Variants in PDE8A observed in about 807,000 individuals in gnomAD.
The protein encoded by PDE8A is phosphodiesterase 8A.
Under a neutral mutation model 105.0 loss-of-function variants are expected in PDE8A, and 59 were observed. That is an observed-to-expected ratio of 0.56 (90% CI 0.46 to 0.70). The LOEUF (loss-of-function observed/expected upper bound fraction) is 0.70. Ranked by LOEUF, PDE8A falls within the 30% of genes least tolerant of loss-of-function variation. PDE8A has a pLI of 0.00. For missense variants in PDE8A, 1,014 were observed against 1,045.9 expected (o/e 0.97, Z 0.42); for synonymous variants, 355 against 371.9 (o/e 0.95, Z 0.52).
At chr15:85,041,826 C>G (rs1295560439) in intron 1 of PDE8A, among the ~76,000 whole-genome samples, 2 of 152,214 alleles carry the variant, frequency 1.3e-5, no homozygotes, top group African/African-American at 4.8e-5. Flanking sequence ...CATCCCCATC[C>G]TAATGTCCCC....
At chr15:85,048,758 A>G (rs1191409560) in intron 1 of PDE8A, among the ~76,000 whole-genome samples, 1 of 152,238 alleles carries the variant, frequency 6.6e-6, no homozygotes, top group Non-Finnish European at 1.5e-5. Flanking sequence ...CCGTGAGAGT[A>G]TGATGATTAT....
intron 6 of PDE8A, among the ~76,000 whole-genome samples, chr15:85,084,832 A>G (rs1273718052): frequency 1.3e-5 from 2 of 152,164 alleles, no homozygotes; most frequent in African/African-American, 4.8e-5. Flanking sequence ...GCTGTCATCT[A>G]CCTTGTGGTC....
At chr15:85,085,156 T>A (rs2081531300) in intron 6 of PDE8A, among the ~76,000 whole-genome samples, 1 of 152,086 alleles carries the variant, frequency 6.6e-6, no homozygotes, top group African/African-American at 2.4e-5. Flanking sequence ...CCTACAAGGG[T>A]CTCCATGGTC....
chr15:85,071,586 C>T (rs1013812994), intron 3 of PDE8A, among the ~76,000 whole-genome samples: 1 of 152,206 alleles, frequency 6.6e-6, no homozygotes, highest in Non-Finnish European at 1.5e-5. Context: ...AGGCCAGGAG[C>T]CCCGCTCTGC....
intron 1 of PDE8A, among the ~76,000 whole-genome samples, chr15:85,001,895 T>TTA (rs2080073137): frequency 1.3e-5 from 2 of 152,222 alleles, no homozygotes; most frequent in South Asian, 4.1e-4. Flanking sequence ...TTCTAAGTAC[T>TTA]TTGTGCATGA....
At chr15:85,113,471 C>T (rs374007130) in intron 13 of PDE8A, 24 bp downstream of exon 13, 4 of 1,577,322 alleles carry the variant, frequency 2.5e-6, no homozygotes, top group Non-Finnish European at 3.5e-6. Context: ...TGGTCTGTCT[C>T]CATTGAGCAC....
intron 1 of PDE8A, among the ~76,000 whole-genome samples, chr15:84,998,511 C>G (rs373297205): frequency 1.3e-5 from 2 of 152,180 alleles, no homozygotes; most frequent in Non-Finnish European, 1.5e-5. Flanking sequence ...CAAAATGGCT[C>G]TGTTTTCATT....
At chr15:85,040,417 C>T (rs987976147) in intron 1 of PDE8A, among the ~76,000 whole-genome samples, 9 of 150,656 alleles carry the variant, frequency 6.0e-5, no homozygotes, top group African/African-American at 2.2e-4. Flanking sequence ...ACATTTTTGC[C>T]TTAAGTCTCC....
intron 8 of PDE8A, among the ~76,000 whole-genome samples, chr15:85,097,483 T>C (rs536618115): frequency 6.6e-6 from 1 of 152,114 alleles, no homozygotes; most frequent in Non-Finnish European, 1.5e-5. Flanking sequence ...GGGTGAAGCC[T>C]TCACACATCC....
chr15:85,003,452 C>T (rs115160200), intron 1 of PDE8A, among the ~76,000 whole-genome samples: 1,740 of 152,232 alleles, frequency 0.011, 41 homozygotes, highest in African/African-American at 0.038. Context: ...CTGCGATGGG[C>T]AACAACTTTC....
chr15:84,986,759 G>A (rs143206901), intron 1 of PDE8A, among the ~76,000 whole-genome samples: 1,527 of 151,788 alleles, frequency 0.01, 17 homozygotes, highest in Middle Eastern at 0.062. Context: ...CTACAGGTGC[G>A]CACCATGCAT....
intron 8 of PDE8A, among the ~76,000 whole-genome samples, chr15:85,092,053 C>G (rs1009112639): frequency 9.9e-5 from 15 of 151,998 alleles, no homozygotes; most frequent in Non-Finnish European, 2.9e-5. Context: ...TTGGCTAGTT[C>G]CTATCTTGTA....
At chr15:85,009,223 G>C (rs190108624) in intron 1 of PDE8A, among the ~76,000 whole-genome samples, 1 of 151,774 alleles carries the variant, frequency 6.6e-6, no homozygotes, top group East Asian at 1.9e-4. Context: ...CTAGGCAAAG[G>C]CAGTCTAAAA....
intron 19 of PDE8A, among the ~76,000 whole-genome samples, chr15:85,125,812 A>C (rs1440236450): frequency 6.6e-6 from 1 of 151,946 alleles, no homozygotes; most frequent in Non-Finnish European, 1.5e-5. Flanking sequence ...TTCAGCTCAT[A>C]CTCTTTTTTA....
At chr15:84,992,151 T>G (rs549796354) in intron 1 of PDE8A, among the ~76,000 whole-genome samples, 5 of 152,214 alleles carry the variant, frequency 3.3e-5, no homozygotes, top group Non-Finnish European at 7.3e-5. Context: ...TAACAGGCCC[T>G]GCTCTCAGGG....
chr15:85,042,705 G>A (rs2080829244), intron 1 of PDE8A, among the ~76,000 whole-genome samples: 1 of 152,160 alleles, frequency 6.6e-6, no homozygotes, highest in Non-Finnish European at 1.5e-5. Context: ...GAATGGTTGT[G>A]CATCCACTTC....
Position 85,117,565 on chromosome 15 carries a change from G to A in PDE8A, c.1536-76G>A, listed in dbSNP as rs376641509. Reference sequence around the variant, plus strand: ...CCTGCACTCTCTGAAATTTGGCTTGGAACCTATTCAGGCCTTAAACACTTG... The same window carrying A: ...CCTGCACTCTCTGAAATTTGGCTTGAAACCTATTCAGGCCTTAAACACTTG... On this transcript the variant is annotated intron_variant, in intron 16 of 21. Coordinates refer to ENST00000394553, the MANE Select transcript of PDE8A (RefSeq NM_002605.3). 26 of 1,262,190 alleles carry A rather than the reference G, an allele frequency of 2.1e-5. 1 individual carries two copies. The highest frequency in any genetic ancestry group is 1.6e-4 in the East Asian group (7 of 43,122). 78.2% of individuals were successfully genotyped at this position (1,262,190 alleles called of 1,614,324 possible). A position where few individuals can be genotyped will look rare whatever the true frequency, so the allele number is the denominator to read the frequency against.
At chr15:85,095,448 A>G (rs748326411) in intron 8 of PDE8A, among the ~76,000 whole-genome samples, 23 of 151,990 alleles carry the variant, frequency 1.5e-4, no homozygotes, top group Non-Finnish European at 2.8e-4. Flanking sequence ...GGTTGAAGCA[A>G]TTCTCCTGCC....
intron 1 of PDE8A, among the ~76,000 whole-genome samples, chr15:85,004,592 A>T (rs1480702120): frequency 6.6e-6 from 1 of 152,180 alleles, no homozygotes; most frequent in Non-Finnish European, 1.5e-5. Flanking sequence ...TCTATCGCCT[A>T]ATACTTTAAG....
Sources: gnomAD v4.1 joint callset for allele counts (sites outside exome capture counted in the v4.1 genomes callset) on GRCh38, gnomAD v4.1.1 for gene constraint, MANE v1.5 for transcripts, NCBI Gene and HGNC (gene_info 2026-07-23, HGNC 2026-07-21) for gene names.